KCNIP4: variants seen among roughly 807,000 people sequenced by gnomAD.
KCNIP4 encodes potassium voltage-gated channel interacting protein 4.
In KCNIP4, 12 loss-of-function variants were observed where a neutral mutation model predicts 34.0. The observed-to-expected ratio is 0.35, with a 90% CI of 0.23 to 0.57. The LOEUF is 0.57. Ranked by LOEUF, KCNIP4 falls within the 20% of genes least tolerant of loss-of-function variation. KCNIP4 has a pLI of 0.83. For missense variants in KCNIP4, 238 were observed against 311.7 expected (o/e 0.76, Z 1.78); for synonymous variants, 124 against 102.2 (o/e 1.21, Z -1.29).
chr4:21,364,568 C>G (rs1399934326), intron 1 of KCNIP4, among the ~76,000 whole-genome samples: 1 of 151,978 alleles, frequency 6.6e-6, no homozygotes, highest in East Asian at 1.9e-4. Context: ...AGGATAGTAT[C>G]TCATGATAAT....
chr4:20,751,188 ACTTAT>A (rs1381253416), intron 4 of KCNIP4, among the ~76,000 whole-genome samples: 1 of 152,190 alleles, frequency 6.6e-6, no homozygotes, highest in Non-Finnish European at 1.5e-5. Context: ...ATGAAGAACT[ACTTAT>A]CTTTGAACAC....
chr4:21,643,150 A>T (rs1746737496), intron 1 of KCNIP4, among the ~76,000 whole-genome samples: 1 of 152,186 alleles, frequency 6.6e-6, no homozygotes, highest in South Asian at 2.1e-4. Context: ...GAATATGTTC[A>T]AGTGTGTGCA....
At chr4:21,338,333 C>G (rs1309139866) in intron 1 of KCNIP4, among the ~76,000 whole-genome samples, 1 of 146,406 alleles carries the variant, frequency 6.8e-6, no homozygotes, top group Non-Finnish European at 1.5e-5. Context: ...AAGAGACTTA[C>G]TTAAGTCCCA....
intron 1 of KCNIP4, among the ~76,000 whole-genome samples, chr4:21,235,298 G>C (rs1343708597): frequency 2.6e-5 from 4 of 152,128 alleles, no homozygotes; most frequent in Non-Finnish European, 5.9e-5. Context: ...CCCAGGATAA[G>C]GCTCCTGTGC....
rs534711434 is a variant in KCNIP4 at position 21,049,091 on chromosome 4, C to T, written c.62-166382G>A. ...TCAGCCTCCCGAGTAGCTGGGACTA[C>T]AGGCGCCCGCTACCACGCCCGGCTA... is the stretch of plus-strand genomic sequence containing the variant. On this transcript the variant is annotated intron_variant, in intron 1 of 8. Transcript: ENST00000382152. 8.6e-5 allele frequency among the ~76,000 whole-genome samples: 13 copies of T among 151,178 alleles called. No homozygotes were observed. The East Asian group carries it at 2.3e-3, about 27-fold the overall frequency.
intron 1 of KCNIP4, among the ~76,000 whole-genome samples, chr4:21,829,955 G>A (rs1320772044): frequency 6.6e-6 from 1 of 152,012 alleles, no homozygotes; most frequent in Non-Finnish European, 1.5e-5. Flanking sequence ...AAAACAACCA[G>A]AAAATAATTG....
chr4:21,645,118 C>T (rs941312122), intron 1 of KCNIP4, among the ~76,000 whole-genome samples: 54 of 152,196 alleles, frequency 3.5e-4, no homozygotes, highest in African/African-American at 1.2e-3. Context: ...TGTGCATAAG[C>T]ACTCATGATT....
intron 1 of KCNIP4, among the ~76,000 whole-genome samples, chr4:21,003,829 T>G (rs1399671344): frequency 6.6e-6 from 1 of 152,146 alleles, no homozygotes; most frequent in Middle Eastern, 3.2e-3. Context: ...CCAATAAAGT[T>G]AAGATGCTAA....
intron 1 of KCNIP4, among the ~76,000 whole-genome samples, chr4:21,872,545 G>T (rs1725878738): frequency 6.6e-6 from 1 of 152,132 alleles, no homozygotes; most frequent in Non-Finnish European, 1.5e-5. Flanking sequence ...CCAAAAACGA[G>T]ATTTTTATAA....
chr4:21,802,223 T>G (rs1721044862), intron 1 of KCNIP4, among the ~76,000 whole-genome samples: 1 of 152,126 alleles, frequency 6.6e-6, no homozygotes, highest in Non-Finnish European at 1.5e-5. Context: ...ACATTTCAGT[T>G]TTTAGTGTTT....
intron 1 of KCNIP4, among the ~76,000 whole-genome samples, chr4:21,540,803 G>GT (rs1737616731): frequency 6.6e-6 from 1 of 152,062 alleles, no homozygotes. Flanking sequence ...GTGTTCAGAG[G>GT]TTTTTTCAGT....
At chr4:20,754,897 T>C (rs1289956769) in intron 4 of KCNIP4, among the ~76,000 whole-genome samples, 1 of 152,248 alleles carries the variant, frequency 6.6e-6, no homozygotes, top group Admixed American at 6.5e-5. Flanking sequence ...TTCATCTGCA[T>C]TGGTGCTTTG....
At chr4:21,102,740 A>G (rs1577693116) in intron 1 of KCNIP4, among the ~76,000 whole-genome samples, 1 of 152,328 alleles carries the variant, frequency 6.6e-6, no homozygotes, top group Middle Eastern at 3.4e-3. Context: ...TTCTTTGAGA[A>G]CAACAGTGGC....
intron 1 of KCNIP4, among the ~76,000 whole-genome samples, chr4:21,349,778 T>C (rs1717828645): frequency 1.3e-5 from 2 of 152,132 alleles, no homozygotes; most frequent in Non-Finnish European, 2.9e-5. Context: ...CAAATTGCAA[T>C]GGAAGTAGCT....
chr4:21,615,059 CTAGT>C (rs886280471), intron 1 of KCNIP4, among the ~76,000 whole-genome samples: 1 of 151,516 alleles, frequency 6.6e-6, no homozygotes, highest in African/African-American at 2.4e-5. Flanking sequence ...TGGTTAAAAA[CTAGT>C]TAGTTAAAAA....
At chr4:20,815,431 C>T (rs1716257575) in intron 3 of KCNIP4, among the ~76,000 whole-genome samples, 3 of 152,228 alleles carry the variant, frequency 2.0e-5, no homozygotes, top group Admixed American at 1.3e-4. Flanking sequence ...TCAGATATCA[C>T]AGGAGACCTA....
At chr4:21,906,490 A>G (rs1161953853) in intron 1 of KCNIP4, among the ~76,000 whole-genome samples, 1 of 152,190 alleles carries the variant, frequency 6.6e-6, no homozygotes, top group East Asian at 1.9e-4. Context: ...TCTCCCCCAC[A>G]GCCTGCCAGG....
At chr4:20,899,717 G>A (rs1726958222) in intron 1 of KCNIP4, among the ~76,000 whole-genome samples, 3 of 152,192 alleles carry the variant, frequency 2.0e-5, no homozygotes, top group Admixed American at 1.3e-4. Context: ...CTGGCTGAAT[G>A]AATGGTGAGC....
At chr4:21,922,063 A>G (rs1174632936) in intron 1 of KCNIP4, among the ~76,000 whole-genome samples, 3 of 152,076 alleles carry the variant, frequency 2.0e-5, no homozygotes, top group African/African-American at 4.8e-5. Context: ...TCTCATCCTC[A>G]TATAATCCCA....
Sources: gnomAD v4.1 joint callset for allele counts (sites outside exome capture counted in the v4.1 genomes callset) on GRCh38, gnomAD v4.1.1 for gene constraint, MANE v1.5 for transcripts, NCBI Gene and HGNC (gene_info 2026-07-23, HGNC 2026-07-21) for gene names.